Variants in PDPN observed in about 807,000 individuals in gnomAD.
PDPN encodes the protein podoplanin.
In PDPN, 12 loss-of-function variants were observed where a neutral mutation model predicts 23.2. That is an observed-to-expected ratio of 0.52 (90% CI 0.33 to 0.84). The LOEUF is 0.84. Among genes scored for constraint, PDPN ranks in the 40% least tolerant of loss-of-function variants. The pLI is 0.02. For missense variants in PDPN, 199 were observed against 212.2 expected, an observed-to-expected ratio of 0.94 and a Z score of 0.39; for synonymous variants, 77 against 76.7, an observed-to-expected ratio of 1.00 and a Z score of -0.02.
At chr1:13,613,841 T>C (rs911369400) in intron 4 of PDPN, 116 bp downstream of exon 4, 3 of 509,654 alleles carry the variant, frequency 5.9e-6, no homozygotes, top group South Asian at 2.4e-5. Flanking sequence ...GAGAGCAGAA[T>C]AGAAAACATT....
chr1:13,584,427 G>A, intron 1 of PDPN: 1 of 929,258 alleles, frequency 1.1e-6, no homozygotes, highest in African/African-American at 1.7e-5. Context: ...CCGCTTGCTG[G>A]CAGCAGTGGC....
At position 13,616,647 on chromosome 1, in the gene PDPN, A is replaced by C. The variant is rs2100296160; in HGVS notation, c.*736A>C. ...CTCCAGCCATGACTTGGTGACTCTA[A>C]GCTTGCTCCCACCTGCCCCCTCCAC... On this transcript the variant is annotated 3_prime_UTR_variant, in exon 6 of 6. Coordinates refer to ENST00000621990, the MANE Select transcript of PDPN (RefSeq NM_006474.5). 6.6e-6 allele frequency: 1 copy of C among 152,538 alleles called. No homozygotes were observed. The highest frequency in any genetic ancestry group is 3.4e-3 in the Middle Eastern group (1 of 294). 9.4% of individuals were successfully genotyped at this position (152,538 alleles called of 1,614,324 possible). A position where few individuals can be genotyped will look rare whatever the true frequency, so the allele number is the denominator to read the frequency against.
At chr1:13,590,236 G>A (rs1245368829) in intron 1 of PDPN, among the ~76,000 whole-genome samples, 8 of 152,208 alleles carry the variant, frequency 5.3e-5, no homozygotes, top group Non-Finnish European at 7.3e-5. Flanking sequence ...GTACTGAATC[G>A]AAGGATGCTG....
intron 1 of PDPN, among the ~76,000 whole-genome samples, chr1:13,602,037 TGGCTC>T (rs1640656037): frequency 1.2e-5 from 1 of 84,538 alleles, no homozygotes; most frequent in Admixed American, 1.4e-4. Flanking sequence ...TGCCTTTGGG[TGGCTC>T]ATGCCTTTGG....
At chr1:13,610,993 G>A (rs372088359) in intron 3 of PDPN, among the ~76,000 whole-genome samples, 10 of 152,244 alleles carry the variant, frequency 6.6e-5, no homozygotes, top group East Asian at 5.8e-4. Context: ...AGGCTGAGGC[G>A]GGCGGATCAC....
In PDPN at chr1:13,584,072, C is replaced by A; in HGVS notation, c.39C>A (p.Ser13Arg). The A allele has an allele frequency of 6.2e-7, 1 of 1,613,102 alleles. No homozygotes were observed. Among genetic ancestry groups the A allele is most frequent in the Middle Eastern group, 1.7e-4 (1 of 6,060 alleles). ...KVSALLFVLG[S>R]ASLWVLAEGA... ...CAGCTCTGCTCTTCGTTTTGGGAAG[C>A]GCGTCGCTCTGGGTCCTGGCAGAAG... is the stretch of plus-strand genomic sequence containing the variant. Residue 13 changes from serine (S) to arginine (R), a missense_variant, in exon 1 of 6, where the codon AGC becomes AGA. Transcript: ENST00000621990.
chr1:13,590,277 A>C (rs1384818100), intron 1 of PDPN, among the ~76,000 whole-genome samples: 1 of 152,250 alleles, frequency 6.6e-6, no homozygotes, highest in Non-Finnish European at 1.5e-5. Context: ...TACAGAGCAC[A>C]CACATTAAGT....
Position 13,583,868 on chromosome 1 carries a change from G to T in PDPN, c.-166G>T, listed in dbSNP as rs549422402. On this transcript the variant is annotated 5_prime_UTR_variant, in exon 1 of 6. Coordinates refer to ENST00000621990, the MANE Select transcript of PDPN (RefSeq NM_006474.5). The stretch of plus-strand genomic sequence containing the variant: ...TTGCTGTCCGGCTGCCTAGGGTCTG[G>T]GAAGCTCGGGCACCCTCCCTCTCCG... 1.2e-6 allele frequency: 2 copies of T among 1,605,630 alleles called. No individual in the cohort carries two copies. Among genetic ancestry groups the T allele is most frequent in the South Asian group, 2.2e-5 (2 of 90,108 alleles).
intron 1 of PDPN, among the ~76,000 whole-genome samples, chr1:13,587,898 G>C (rs1023200624): frequency 1.3e-5 from 2 of 152,164 alleles, no homozygotes; most frequent in African/African-American, 2.4e-5. Flanking sequence ...GTCAGATGAT[G>C]GCAAGCTCCC....
At chr1:13,607,480 T>C (rs1047137476) in intron 2 of PDPN, among the ~76,000 whole-genome samples, 174 bp downstream of exon 2, 2 of 152,250 alleles carry the variant, frequency 1.3e-5, no homozygotes, top group Non-Finnish European at 2.9e-5. Context: ...CCTCACTTAA[T>C]GTTGTTGATA....
At chr1:13,603,777 C>CG (rs1640710178) in intron 1 of PDPN, among the ~76,000 whole-genome samples, 1 of 152,094 alleles carries the variant, frequency 6.6e-6, no homozygotes, top group African/African-American at 2.4e-5. Context: ...TTAGTAGAGA[C>CG]GGGGTTTCAC....
intron 2 of PDPN, among the ~76,000 whole-genome samples, chr1:13,608,881 G>A (rs1024621858): frequency 4.0e-5 from 6 of 151,856 alleles, no homozygotes; most frequent in Non-Finnish European, 7.4e-5. Flanking sequence ...TCGTTACAGC[G>A]GGAGGGGTAA....
chr1:13,599,979 A>G (rs1640600814), intron 1 of PDPN, among the ~76,000 whole-genome samples: 1 of 152,212 alleles, frequency 6.6e-6, no homozygotes, highest in African/African-American at 2.4e-5. Flanking sequence ...CCTTCCTTCT[A>G]ACCTGCCATT....
rs774329047 is a variant in PDPN, at chr1:13,610,383, A to G, written c.202-4A>G. ...CTGTTTTTCCTCATTTACACCTACA[A>G]TAGGTGGCAACAAGTGTCAACAGTG... On this transcript the variant is annotated splice_polypyrimidine_tract_variant and splice_region_variant and intron_variant, in intron 2 of 5. Transcript: ENST00000621990. The G allele has an allele frequency of 3.1e-5, 50 of 1,612,022 alleles. No individual in the cohort carries two copies. Among genetic ancestry groups the G allele is most frequent in the South Asian group, 1.8e-4 (16 of 90,858 alleles).
At chr1:13,603,298 G>A (rs1339471412) in intron 1 of PDPN, among the ~76,000 whole-genome samples, 3 of 152,012 alleles carry the variant, frequency 2.0e-5, no homozygotes, top group African/African-American at 4.8e-5. Flanking sequence ...CAGGAGAATC[G>A]CTTGAACCCA....
chr1:13,607,060 AAAAC>A, intron 1 of PDPN, 109 bp from the exon 2 acceptor site: 1 of 1,294,110 alleles, frequency 7.7e-7, no homozygotes, highest in East Asian at 2.4e-5. Context: ...GACCAAAAAT[AAAAC>A]AAAAATTTCC....
intron 1 of PDPN, chr1:13,585,411 C>T (rs1640149816): frequency 9.1e-7 from 1 of 1,094,426 alleles, no homozygotes; most frequent in African/African-American, 1.6e-5. Flanking sequence ...ATCTTTGGAA[C>T]TTCTCTTTCC....
At chr1:13,593,991 G>A (rs912400574) in intron 1 of PDPN, among the ~76,000 whole-genome samples, 3 of 152,178 alleles carry the variant, frequency 2.0e-5, no homozygotes, top group Admixed American at 6.5e-5. Context: ...AGAGAAAAAC[G>A]TCTCCCCATG....
intron 1 of PDPN, 82 bp downstream of exon 1, chr1:13,584,182 A>G (rs746396663): frequency 6.5e-7 from 1 of 1,548,444 alleles, no homozygotes; most frequent in Non-Finnish European, 8.8e-7. Context: ...CGGGCCTGGT[A>G]TTCGAGGTTG....
Sources: gnomAD v4.1 joint callset for allele counts (sites outside exome capture counted in the v4.1 genomes callset) on GRCh38, gnomAD v4.1.1 for gene constraint, MANE v1.5 for transcripts, NCBI Gene and HGNC (gene_info 2026-07-23, HGNC 2026-07-21) for gene names.